Variants in PHLPP1 observed in about 807,000 individuals in gnomAD.
PHLPP1 encodes PH domain leucine-rich repeat-containing protein phosphatase 1.
Under a neutral mutation model 117.2 loss-of-function variants are expected in PHLPP1, and 42 were observed. The ratio of observed to expected loss-of-function variants is 0.36; its 90% confidence interval spans 0.28 to 0.46. PHLPP1 has a LOEUF of 0.46. Ranked by LOEUF, PHLPP1 falls within the 20% of genes least tolerant of loss-of-function variation. The pLI is 1.00. For missense variants in PHLPP1, 2,084 were observed against 2,241.9 expected (o/e 0.93, Z 1.42); for synonymous variants, 1,042 against 970.7 (o/e 1.07, Z -1.37).
At chr18:62,895,421 G>A (rs1052259100) in intron 5 of PHLPP1, among the ~76,000 whole-genome samples, 2 of 152,322 alleles carry the variant, frequency 1.3e-5, no homozygotes, top group Admixed American at 6.5e-5. Context: ...TGTGGGTTAT[G>A]TTCTCATTTT....
chr18:62,870,148 G>A (rs1248305736), intron 4 of PHLPP1, among the ~76,000 whole-genome samples: 2 of 151,926 alleles, frequency 1.3e-5, no homozygotes, highest in African/African-American at 2.4e-5. Context: ...TGCCAGCCTC[G>A]GTCTCCCACA....
chr18:62,875,546 A>T (rs972861839), intron 4 of PHLPP1, among the ~76,000 whole-genome samples: 1 of 151,992 alleles, frequency 6.6e-6, no homozygotes, highest in African/African-American at 2.4e-5. Context: ...GAGGGCAGGA[A>T]TCAAGTCCCC....
rs147741589 is a variant in PHLPP1, at chr18:62,718,419, T to A, written c.1576+1160T>A. 7.9e-5 allele frequency among the ~76,000 whole-genome samples: 12 copies of A among 152,342 alleles called. No individual in the cohort carries two copies. The East Asian group carries it at 2.3e-3, about 29-fold the overall frequency. On this transcript the variant is annotated intron_variant, in intron 1 of 16. Transcript: ENST00000262719. ...GTGTCCCAGTGGCAATTTAATTAGT[T>A]TGCATGAAGAAATCTTTACATCTTT... is the stretch of plus-strand genomic sequence containing the variant.
At chr18:62,774,145 C>T (rs902170375) in intron 1 of PHLPP1, among the ~76,000 whole-genome samples, 1 of 151,976 alleles carries the variant, frequency 6.6e-6, no homozygotes, top group African/African-American at 2.4e-5. Flanking sequence ...TCATTGGCTC[C>T]TTCATTGGTC....
intron 1 of PHLPP1, among the ~76,000 whole-genome samples, chr18:62,726,652 C>T (rs1266940979): frequency 1.5e-5 from 2 of 136,176 alleles, no homozygotes; most frequent in Admixed American, 8.0e-5. Flanking sequence ...GGTGTGATCT[C>T]GGCTCACTAC....
chr18:62,957,483 C>T (rs1453983871), intron 12 of PHLPP1, among the ~76,000 whole-genome samples: 1 of 151,962 alleles, frequency 6.6e-6, no homozygotes, highest in Non-Finnish European at 1.5e-5. Flanking sequence ...ATTAGGCAGG[C>T]TTACCTGCTC....
intron 4 of PHLPP1, among the ~76,000 whole-genome samples, chr18:62,870,449 G>A (rs778260574): frequency 1.6e-4 from 25 of 152,220 alleles, no homozygotes; most frequent in Non-Finnish European, 2.1e-4. Flanking sequence ...TGGTGGCTTC[G>A]AAATATGCCA....
intron 4 of PHLPP1, among the ~76,000 whole-genome samples, chr18:62,873,838 C>T (rs1028923656): frequency 5.3e-5 from 8 of 152,190 alleles, no homozygotes; most frequent in East Asian, 3.9e-4. Flanking sequence ...AAGATCAAAA[C>T]GCTTTTAATA....
chr18:62,859,863 T>C (rs1262260818), intron 3 of PHLPP1, among the ~76,000 whole-genome samples: 2 of 152,344 alleles, frequency 1.3e-5, no homozygotes, highest in East Asian at 3.9e-4. Flanking sequence ...TAGGTTACTG[T>C]ACATACCCTC....
At chr18:62,868,089 C>T (rs925867983) in intron 4 of PHLPP1, among the ~76,000 whole-genome samples, 8 of 152,116 alleles carry the variant, frequency 5.3e-5, no homozygotes, top group African/African-American at 1.7e-4. Flanking sequence ...GGATTACAAG[C>T]GTGAGCCACT....
At chr18:62,876,457 T>C (rs942578079) in intron 4 of PHLPP1, among the ~76,000 whole-genome samples, 3 of 152,226 alleles carry the variant, frequency 2.0e-5, no homozygotes, top group Non-Finnish European at 4.4e-5. Flanking sequence ...TTGTTCACTT[T>C]TTAAATATTT....
At chr18:62,926,158 CAAT>C (rs1294468575) in intron 10 of PHLPP1, among the ~76,000 whole-genome samples, 1 of 152,116 alleles carries the variant, frequency 6.6e-6, no homozygotes, top group Non-Finnish European at 1.5e-5. Context: ...GAGAATCAGT[CAAT>C]GATGTTTAGA....
chr18:62,807,192 A>G (rs1380104604), intron 1 of PHLPP1, among the ~76,000 whole-genome samples: 3 of 151,700 alleles, frequency 2.0e-5, no homozygotes, highest in Admixed American at 2.0e-4. Context: ...CAAAAAAGAA[A>G]CTCTCACATC....
chr18:62,957,560 C>T (rs1910647662), intron 12 of PHLPP1, among the ~76,000 whole-genome samples: 1 of 151,366 alleles, frequency 6.6e-6, no homozygotes, highest in Non-Finnish European at 1.5e-5. Context: ...GTGTGTGTTA[C>T]CTGCCTTTTC....
At chr18:62,723,095 A>G (rs1008346490) in intron 1 of PHLPP1, among the ~76,000 whole-genome samples, 4 of 152,188 alleles carry the variant, frequency 2.6e-5, no homozygotes, top group African/African-American at 9.6e-5. Flanking sequence ...TGAGATTTTT[A>G]TACATCGTAA....
intron 2 of PHLPP1, among the ~76,000 whole-genome samples, 178 bp downstream of exon 2, chr18:62,830,409 A>G (rs1914724905): frequency 6.6e-6 from 1 of 152,060 alleles, no homozygotes; most frequent in South Asian, 2.1e-4. Context: ...TTGTATTTTT[A>G]GTAGAGATGG....
chr18:62,829,665 TTGC>T (rs1193443789), intron 1 of PHLPP1, among the ~76,000 whole-genome samples: 1 of 152,062 alleles, frequency 6.6e-6, no homozygotes, highest in African/African-American at 2.4e-5. Context: ...GGCAGGAGAA[TTGC>T]TTGAACCTGG....
chr18:62,793,290 T>C (rs1157395165), intron 1 of PHLPP1, among the ~76,000 whole-genome samples: 3 of 152,248 alleles, frequency 2.0e-5, no homozygotes, highest in Non-Finnish European at 4.4e-5. Flanking sequence ...AAATCCATTC[T>C]GGAAAATTGA....
rs867819447 is a variant in PHLPP1, at chr18:62,979,241, C to T, written c.4964C>T (p.Pro1655Leu). 7 of 1,593,524 alleles carry T rather than the reference C, an allele frequency of 4.4e-6. No individual in the cohort carries two copies. Among genetic ancestry groups the T allele is most frequent in the East Asian group, 2.3e-5 (1 of 43,852 alleles). Residue 1655 changes from proline to leucine, a missense_variant, in exon 17 of 17, where the codon CCG becomes CTG. Pro to Leu is a moderately conservative substitution (Grantham distance 98). Transcript: ENST00000262719. ...AAGCCTGGAGGCTATTTTGCTGCCC[C>T]GGCTCAGCCGGATCCTGATGATCAG... Reference protein sequence around the residue: ...LRKPGGYFAAPAQPDPDDQFI... With the variant: ...LRKPGGYFAALAQPDPDDQFI...
Sources: allele counts gnomAD v4.1 joint callset (sites outside exome capture counted in the v4.1 genomes callset), GRCh38; gene constraint gnomAD v4.1.1; transcripts MANE v1.5; gene names NCBI Gene and HGNC (gene_info 2026-07-23, HGNC 2026-07-21).